GSG1: variants seen among roughly 807,000 people sequenced by gnomAD.
GSG1 encodes the protein germ cell-specific gene 1 protein.
A neutral mutation model predicts 30.8 loss-of-function variants in GSG1; 28 were observed. The ratio of observed to expected loss-of-function variants is 0.91; its 90% CI spans 0.67 to 1.25. The LOEUF is 1.25. GSG1 is among the 50% of genes most tolerant of loss of function. GSG1 has a pLI of 0.00. For missense variants in GSG1, 435 were observed against 444.7 expected, an observed-to-expected ratio of 0.98 and a Z score of 0.20; for synonymous variants, 162 against 178.0, an observed-to-expected ratio of 0.91 and a Z score of 0.71.
intron 4 of GSG1, among the ~76,000 whole-genome samples, 178 bp from the exon 5 acceptor site, chr12:13,088,237 C>G (rs886136641): frequency 2.0e-5 from 3 of 152,202 alleles, no homozygotes; most frequent in Non-Finnish European, 4.4e-5. Flanking sequence ...TGACGTCACT[C>G]ACAGCTCCCA....
Position 13,090,647 on chromosome 12 carries a change from T to C in GSG1, c.220A>G (p.Met74Val), listed in dbSNP as rs1866007395. The C allele has an allele frequency of 6.2e-7, 1 of 1,614,262 alleles. No homozygotes were observed. The highest frequency in any genetic ancestry group is 8.5e-7 in the Non-Finnish European group (1 of 1,180,044). The change falls in exon 2 of 7, where the codon ATG becomes GTG. Residue 74 changes from methionine to valine, a missense_variant. Met to Val is a conservative substitution (Grantham distance 21). Coordinates refer to ENST00000651961, the MANE Select transcript of GSG1 (RefSeq NM_001080555.4). ...EKGLAAKCFD[M>V]PVSLDGDTNT... ...GTATCTCCATCCAGGGACACTGGCA[T>C]GTCAAAGCACTTGGCTGCCAGACCT...
chr12:13,103,458 T>C lies in GSG1; in HGVS notation c.48+7A>G, dbSNP rs769342181. On this transcript the variant is annotated splice_region_variant and intron_variant, in intron 1 of 6. Coordinates refer to ENST00000651961, the MANE Select transcript of GSG1 (RefSeq NM_001080555.4). ...TGTTCATGAGATTTCAAAATCACTG[T>C]ACCTACCTCCTGGGTGAGGCAAACA... 12 of 1,609,810 alleles carry C rather than the reference T, an allele frequency of 7.5e-6. 1 individual carries two copies. The South Asian group carries it at 7.7e-5, about 10-fold the overall frequency.
chr12:13,088,980 C>T lies in GSG1; in HGVS notation c.434-71G>A, dbSNP rs900994215. On this transcript the variant is annotated intron_variant, in intron 3 of 6. Coordinates refer to ENST00000651961, the MANE Select transcript of GSG1 (RefSeq NM_001080555.4). ...GTTGGAATGAAAACCTTCCCCACCCCATAACTGGTACTGCTCCCTCTGCTC... is the reference window on the plus strand; with the variant it reads ...GTTGGAATGAAAACCTTCCCCACCCTATAACTGGTACTGCTCCCTCTGCTC... 3.8e-6 allele frequency: 6 copies of T among 1,562,442 alleles called. No homozygotes were observed. In the African/African-American group the frequency reaches 8.1e-5, roughly 21 times the overall value.
intron 1 of GSG1, among the ~76,000 whole-genome samples, chr12:13,103,153 G>T (rs1243334558): frequency 6.6e-6 from 1 of 152,210 alleles, no homozygotes; most frequent in African/African-American, 2.4e-5. Context: ...AAAAAGGAGA[G>T]GCATAGGGAG....
Position 13,089,228 on chromosome 12 carries a change from C to A in GSG1, c.413G>T (p.Ser138Ile). ...AATACCTTTTGCTGCCGCTGTACCA[C>A]TGGACCGAAGGGCTCTAAATTGTTT... ...SWKQFRALRS[S>I]GTAAAKGERC... Residue 138 changes from serine (S) to isoleucine (I), a missense_variant, in exon 3 of 7, where the codon AGT (serine) becomes ATT (isoleucine). Transcript: ENST00000651961. 1 of 1,558,774 alleles carries A rather than the reference C, an allele frequency of 6.4e-7. No individual in the cohort carries two copies. Among genetic ancestry groups the A allele is most frequent in the Non-Finnish European group, 8.7e-7 (1 of 1,150,780 alleles).
intron 1 of GSG1, among the ~76,000 whole-genome samples, chr12:13,097,802 C>A (rs1862842889): frequency 6.6e-6 from 1 of 152,266 alleles, no homozygotes; most frequent in African/African-American, 2.4e-5. Context: ...TTTAATAAAA[C>A]CCTCTGTATC....
chr12:13,089,464 G>A, intron 2 of GSG1, 188 bp from the exon 3 acceptor site: 1 of 843,032 alleles, frequency 1.2e-6, no homozygotes, highest in Non-Finnish European at 1.7e-6. Context: ...CTTGGGCAGG[G>A]AAGAGGAGGT....
intron 6 of GSG1, among the ~76,000 whole-genome samples, chr12:13,086,288 T>C (rs1177250272): frequency 1.3e-5 from 2 of 152,222 alleles, no homozygotes; most frequent in South Asian, 2.1e-4. Flanking sequence ...TGCATTGAGC[T>C]GATGCCCTGG....
At chr12:13,085,794 A>G (rs1865465218) in intron 6 of GSG1, among the ~76,000 whole-genome samples, 1 of 152,156 alleles carries the variant, frequency 6.6e-6, no homozygotes, top group African/African-American at 2.4e-5. Context: ...TCTGAAAGTC[A>G]TTCAGGAAAA....
chr12:13,084,695 G>A lies in GSG1; in HGVS notation c.*206C>T. 1 of 464,966 alleles carries A rather than the reference G, an allele frequency of 2.2e-6. No homozygotes were observed. The highest frequency in any genetic ancestry group is 3.9e-6 in the Non-Finnish European group (1 of 259,288). 28.8% of individuals were successfully genotyped at this position (464,966 alleles called of 1,614,324 possible). ...GAATTCTGGATGTGTGAGATGTGGG[G>A]TGGGTGAAACAAGATGGAGCTGTAG... is the stretch of plus-strand genomic sequence containing the variant. On this transcript the variant is annotated 3_prime_UTR_variant, in exon 7 of 7. Transcript: ENST00000651961.
Position 13,088,865 on chromosome 12 carries a change from T to C in GSG1, c.478A>G (p.Arg160Gly), listed in dbSNP as rs746741517. The C allele has an allele frequency of 6.2e-6, 10 of 1,614,020 alleles. No individual in the cohort carries two copies. Among genetic ancestry groups the C allele is most frequent in the Non-Finnish European group, 7.6e-6 (9 of 1,180,022 alleles). The change falls in exon 4 of 7, where the codon AGA becomes GGA. Residue 160 changes from arginine to glycine, a missense_variant. Transcript: ENST00000651961. ...AATTCCAGTAGTCCTTTCTCACCTC[T>C]CTTGGCTGGTGGTGTAAGTTCAATG... The part of the protein sequence containing the change: ...SFIELTPPAK[R>G]EILWLSLGTQ...
chr12:13,089,745 AAGACCTAT>A (rs1393081153), intron 2 of GSG1, among the ~76,000 whole-genome samples: 1 of 152,214 alleles, frequency 6.6e-6, no homozygotes, highest in African/African-American at 2.4e-5. Context: ...TGAGCAAATC[AAGACCTAT>A]AGAAACGAAG....
intron 1 of GSG1, chr12:13,095,844 C>T: frequency 7.2e-7 from 1 of 1,384,764 alleles, no homozygotes; most frequent in Non-Finnish European, 9.5e-7. Context: ...TGGGAGATTA[C>T]ACCAGAGAGC....
In GSG1 at chr12:13,101,599, C is replaced by T. The variant is rs1863210556; in HGVS notation, c.48+1866G>A. On this transcript the variant is annotated intron_variant, in intron 1 of 6. Coordinates refer to ENST00000651961, the MANE Select transcript of GSG1 (RefSeq NM_001080555.4). The surrounding 1 kb of genome is among the most constrained non-coding windows in gnomAD (Gnocchi z 5.8). ...CGCTAGGCCACCTGAGGCGCGTCCC[C>T]TCTGCCGCCTGGCGAGGCTGCGCGG... Among the ~76,000 whole-genome samples the T allele has an allele frequency of 6.6e-6, 1 of 152,226 alleles. No homozygotes were observed. The highest frequency in any genetic ancestry group is 1.5e-5 in the Non-Finnish European group (1 of 68,028).
Position 13,087,966 on chromosome 12 carries a change from C to T in GSG1, c.575G>A (p.Gly192Glu). 6.2e-7 allele frequency: 1 copy of T among 1,614,202 alleles called. No individual in the cohort carries two copies. Among genetic ancestry groups the T allele is most frequent in the East Asian group, 2.2e-5 (1 of 44,884 alleles). ...LLLLTDLLLT[G>E]NPACGLKLSA... is the part of the protein sequence containing the mutation. ...CAGTTTGAGCCCACAGGCAGGGTTC[C>T]CAGTGAGTAGCAAGTCTGTTAGTAG... is the stretch of plus-strand genomic sequence containing the variant. The change falls in exon 5 of 7, where the codon GGG becomes GAG. Residue 192 changes from glycine to glutamate, a missense_variant. By Grantham distance (98) the Gly-to-Glu change is moderately conservative. Coordinates refer to ENST00000651961, the MANE Select transcript of GSG1 (RefSeq NM_001080555.4).
chr12:13,088,316 A>C (rs1169662339), intron 4 of GSG1, among the ~76,000 whole-genome samples: 5 of 152,202 alleles, frequency 3.3e-5, no homozygotes, highest in Non-Finnish European at 7.3e-5. Flanking sequence ...TTTGAGAAGA[A>C]ATCATCGAAT....
chr12:13,093,418 GA>G lies in GSG1; in HGVS notation c.49-2601del, dbSNP rs1356259780. Among the ~76,000 whole-genome samples the G allele has an allele frequency of 1.3e-5, 2 of 152,140 alleles. No individual in the cohort carries two copies. The highest frequency in any genetic ancestry group is 2.9e-5 in the Non-Finnish European group (2 of 68,016). ...AGTCATAGCAATGAATATTAAACTG[GA>G]AATCTCCGGGGGAAGCAGATGGATG... On this transcript the variant is annotated intron_variant, in intron 1 of 6. Coordinates refer to ENST00000651961, the MANE Select transcript of GSG1 (RefSeq NM_001080555.4). This position sits in a 1 kb window ranked among gnomAD's most constrained non-coding sequence, Gnocchi z 4.6.
At chr12:13,089,544 A>C (rs145349009) in intron 2 of GSG1, among the ~76,000 whole-genome samples, 1 of 152,208 alleles carries the variant, frequency 6.6e-6, no homozygotes, top group Admixed American at 6.5e-5. Context: ...GCTAGTGTGC[A>C]CTGAGGGGCA....
At position 13,103,655 on chromosome 12, in the gene GSG1, G is replaced by C; in HGVS notation, c.-143C>G. On this transcript the variant is annotated 5_prime_UTR_variant, in exon 1 of 7. Coordinates refer to ENST00000651961, the MANE Select transcript of GSG1 (RefSeq NM_001080555.4). ...GGGTAAGGTGGTGTGTGGTGGATTGGAGAGGATGTCCTGAGGGCCAGACAC... is the reference window on the plus strand; with the variant it reads ...GGGTAAGGTGGTGTGTGGTGGATTGCAGAGGATGTCCTGAGGGCCAGACAC... 1.1e-6 allele frequency: 1 copy of C among 876,592 alleles called. No individual in the cohort carries two copies. The highest frequency in any genetic ancestry group is 1.8e-6 in the Non-Finnish European group (1 of 542,502). 54.3% of individuals were successfully genotyped at this position (876,592 alleles called of 1,614,324 possible). A position where few individuals can be genotyped will look rare whatever the true frequency, so the allele number is the denominator to read the frequency against.
Sources: gnomAD v4.1 joint callset for allele counts (sites outside exome capture counted in the v4.1 genomes callset) on GRCh38, gnomAD v4.1.1 for gene constraint, Gnocchi (gnomAD v3.1) non-coding constraint, MANE v1.5 for transcripts, NCBI Gene and HGNC (gene_info 2026-07-23, HGNC 2026-07-21) for gene names.